Variants in MPDZ observed in about 807,000 individuals in gnomAD.
The protein encoded by MPDZ is multiple PDZ domain protein.
In MPDZ, 234 loss-of-function variants were observed where a neutral mutation model predicts 239.1. The ratio of observed to expected loss-of-function variants is 0.98; its 90% CI spans 0.88 to 1.09. The LOEUF (loss-of-function observed/expected upper bound fraction) is 1.09. Among genes scored for constraint, MPDZ ranks in the 50% least tolerant of loss-of-function variants. The probability of loss-of-function intolerance (pLI) is 0.00; values close to 1 mark genes in which losing one functional copy is unlikely to be tolerated. For missense variants in MPDZ, 3,175 were observed against 2,510.0 expected (o/e 1.26, Z -5.66); for synonymous variants, 1,048 against 881.3 (o/e 1.19, Z -3.35).
At chr9:13,226,732 G>C (rs1343096864) in intron 3 of MPDZ, among the ~76,000 whole-genome samples, 1 of 152,086 alleles carries the variant, frequency 6.6e-6, no homozygotes, top group Non-Finnish European at 1.5e-5. Context: ...CCAGTCAGTG[G>C]AGACCGACTA....
chr9:13,230,490 A>AT (rs1485018254), intron 3 of MPDZ, among the ~76,000 whole-genome samples: 1 of 152,208 alleles, frequency 6.6e-6, no homozygotes, highest in African/African-American at 2.4e-5. Flanking sequence ...TATCAAGGGC[A>AT]TTATGCTGCA....
At chr9:13,160,186 T>A (rs1163737425) in intron 23 of MPDZ, among the ~76,000 whole-genome samples, 1 of 152,178 alleles carries the variant, frequency 6.6e-6, no homozygotes, top group African/African-American at 2.4e-5. Flanking sequence ...CGTAGACTTG[T>A]GCAATTCCTT....
At chr9:13,275,419 C>CCAA (rs1412394555) in intron 1 of MPDZ, among the ~76,000 whole-genome samples, 2 of 152,168 alleles carry the variant, frequency 1.3e-5, no homozygotes, top group African/African-American at 4.8e-5. Context: ...ACCAATCCCA[C>CCAA]CAACACTTTG....
At chr9:13,156,702 C>G (rs1178085000) in intron 24 of MPDZ, among the ~76,000 whole-genome samples, 2 of 152,156 alleles carry the variant, frequency 1.3e-5, no homozygotes, top group Non-Finnish European at 2.9e-5. Context: ...TACTTTTCCT[C>G]TCATAATATT....
Position 13,193,172 on chromosome 9 carries a change from A to G in MPDZ, c.1798T>C (p.Leu600=). ...SGKLFSGDEL[L]EVNGITLLGE... The stretch of plus-strand genomic sequence containing the variant: ...GGAACAGCATAGCTCCTTACTTCCA[A>G]TAGCTCGTCTCCACTGAAGAGCTTC... Residue 600 remains leucine (L), a synonymous_variant, in exon 14 of 47, where the codon TTG becomes CTG. Coordinates refer to ENST00000319217, the MANE Select transcript of MPDZ (RefSeq NM_001378778.1). 1.3e-6 allele frequency: 2 copies of G among 1,576,530 alleles called. No homozygotes were observed. The highest frequency in any genetic ancestry group is 1.7e-6 in the Non-Finnish European group (2 of 1,158,112).
At chr9:13,201,674 T>C (rs775919571) in intron 12 of MPDZ, among the ~76,000 whole-genome samples, 1 of 152,072 alleles carries the variant, frequency 6.6e-6, no homozygotes, top group Non-Finnish European at 1.5e-5. Context: ...CCAAGCTCAC[T>C]AAGTTTCTCT....
At chr9:13,136,323 T>C (rs1946752163) in intron 30 of MPDZ, 141 bp from the exon 31 acceptor site, 1 of 432,030 alleles carries the variant, frequency 2.3e-6, no homozygotes, top group Non-Finnish European at 3.9e-6. Flanking sequence ...TACAAACGTT[T>C]TCTTTTTTTT....
At chr9:13,213,660 A>T (rs576139926) in intron 10 of MPDZ, among the ~76,000 whole-genome samples, 1 of 152,118 alleles carries the variant, frequency 6.6e-6, no homozygotes, top group South Asian at 2.1e-4. Flanking sequence ...ATTAAAAATC[A>T]GAATATTGAT....
At chr9:13,192,340 T>C in intron 14 of MPDZ, 45 bp from the exon 15 acceptor site, 20 of 1,499,340 alleles carry the variant, frequency 1.3e-5, no homozygotes, top group Non-Finnish European at 1.8e-5. Flanking sequence ...CTTCATAATA[T>C]GAACATTCTT....
At position 13,192,095 on chromosome 9, in the gene MPDZ, A is replaced by G. The variant is rs763924966; in HGVS notation, c.1968+36T>C. 4.0e-6 allele frequency: 6 copies of G among 1,496,660 alleles called. No individual in the cohort carries two copies. In the South Asian group the frequency reaches 7.3e-5, roughly 18 times the overall value. 92.7% of individuals were successfully genotyped at this position (1,496,660 alleles called of 1,614,324 possible). On this transcript the variant is annotated intron_variant, in intron 15 of 46. Transcript: ENST00000319217. Reference sequence around the variant, plus strand: ...TTAAGCCATTTAGCCTTTCCATTATATATGTAGGTTAGCCTCATGTATGCA... The same window carrying G: ...TTAAGCCATTTAGCCTTTCCATTATGTATGTAGGTTAGCCTCATGTATGCA...
chr9:13,136,281 C>A (rs560311489), intron 30 of MPDZ, 99 bp from the exon 31 acceptor site: 3 of 655,370 alleles, frequency 4.6e-6, no homozygotes, highest in South Asian at 4.9e-5. Flanking sequence ...TTATTTAACC[C>A]CCAAAACCTG....
Position 13,167,416 on chromosome 9 carries a change from A to G in MPDZ, c.3254+950T>C, listed in dbSNP as rs193071484. Among the ~76,000 whole-genome samples the G allele has an allele frequency of 1.4e-3, 214 of 152,222 alleles. 1 individual carries two copies. The highest frequency in any genetic ancestry group is 2.9e-3 in the Admixed American group (45 of 15,270). ...GACAGCGGAATCTGCTCCAAATGGT[A>G]TATACTTTTCTTCTTTTTATTGACC... is the stretch of plus-strand genomic sequence containing the variant. On this transcript the variant is annotated intron_variant, in intron 22 of 46. Transcript: ENST00000319217.
chr9:13,215,326 G>C (rs1564051404), intron 10 of MPDZ, among the ~76,000 whole-genome samples: 1 of 149,516 alleles, frequency 6.7e-6, no homozygotes. Flanking sequence ...CATTCTATTG[G>C]ATATATATAT....
intron 10 of MPDZ, among the ~76,000 whole-genome samples, chr9:13,215,753 G>GTTTTTTTTTTTTT (rs56281339): frequency 0.011 from 947 of 88,994 alleles, 2 homozygotes; most frequent in Middle Eastern, 0.038. Context: ...TCTATTGCAG[G>GTTTTTTTTTTTTT]TTTTTTTTTT....
intron 24 of MPDZ, among the ~76,000 whole-genome samples, chr9:13,156,328 C>A (rs1380913662): frequency 1.3e-5 from 2 of 152,110 alleles, no homozygotes; most frequent in Non-Finnish European, 2.9e-5. Flanking sequence ...TGTATTAATC[C>A]TTTTTCATGC....
At chr9:13,216,675 A>C in intron 10 of MPDZ, 99 bp downstream of exon 10, 1 of 798,892 alleles carries the variant, frequency 1.3e-6, no homozygotes, top group Non-Finnish European at 1.9e-6. Flanking sequence ...AGCTTAAATT[A>C]GTACAGAGTT....
At position 13,222,240 on chromosome 9, in the gene MPDZ, G is replaced by A. The variant is rs1165150012; in HGVS notation, c.740C>T (p.Ser247Phe). 6.2e-7 allele frequency: 1 copy of A among 1,612,106 alleles called. No individual in the cohort carries two copies. The highest frequency in any genetic ancestry group is 2.2e-5 in the East Asian group (1 of 44,780). Residue 247 changes from serine to phenylalanine, a missense_variant, in exon 6 of 47, where the codon TCT becomes TTT. Coordinates refer to ENST00000319217, the MANE Select transcript of MPDZ (RefSeq NM_001378778.1). Reference protein sequence around the residue: ...PSAASTISAHSNPVHWQHMET... With the variant: ...PSAASTISAHFNPVHWQHMET... ...AAAATTTTAGGTACTCACCGGATTA[G>A]AGTGAGCTGAAATTGTGCTGGCTGC...
In MPDZ at chr9:13,126,696, T is replaced by C; in HGVS notation, c.4541A>G (p.His1514Arg). Residue 1514 changes from histidine (H) to arginine (R), a missense_variant, in exon 33 of 47, where the codon CAT becomes CGT. Transcript: ENST00000319217. ...SGVIIKSLTE[H>R]GVAATDGRLK... ...AAACCTCACCGTGGCTGCTACCCCA[T>C]GCTCTGTTAAGCTCTTTATGATGAC... 1 of 1,613,882 alleles carries C rather than the reference T, an allele frequency of 6.2e-7. No homozygotes were observed. Among genetic ancestry groups the C allele is most frequent in the Non-Finnish European group, 8.5e-7 (1 of 1,179,786 alleles).
At chr9:13,236,551 G>C (rs1964099374) in intron 3 of MPDZ, among the ~76,000 whole-genome samples, 1 of 151,408 alleles carries the variant, frequency 6.6e-6, no homozygotes, top group African/African-American at 2.4e-5. Context: ...AAAGTGCTGG[G>C]ATTACAGGCG....
Sources: allele counts gnomAD v4.1 joint callset (sites outside exome capture counted in the v4.1 genomes callset), GRCh38; gene constraint gnomAD v4.1.1; transcripts MANE v1.5; gene names NCBI Gene and HGNC (gene_info 2026-07-23, HGNC 2026-07-21).